CCDC88A: variants seen among roughly 807,000 people sequenced by gnomAD.
CCDC88A encodes girdin.
CCDC88A carries 54 observed loss-of-function variants against 234.3 expected under a neutral mutation model. The ratio of observed to expected loss-of-function variants is 0.23; its 90% confidence interval spans 0.19 to 0.29. The LOEUF (loss-of-function observed/expected upper bound fraction) is 0.29, where lower values mean the gene tolerates loss of function less well. Ranked by LOEUF, CCDC88A falls within the 10% of genes least tolerant of loss-of-function variation. CCDC88A has a pLI of 1.00. For missense variants in CCDC88A, 1,832 were observed against 2,123.4 expected (o/e 0.86, Z 2.70); for synonymous variants, 753 against 737.8 (o/e 1.02, Z -0.33).
At position 55,296,224 on chromosome 2, in the gene CCDC88A, C is replaced by T. The variant is rs1215786339; in HGVS notation, c.5091+34G>A. On this transcript the variant is annotated intron_variant, in intron 30 of 32. Transcript: ENST00000436346. Reference sequence around the variant, plus strand: ...TTACAGAAATTTAACTTGTGGTGTTCATCTAAATTAAGGTCATCATAGATA... The same window carrying T: ...TTACAGAAATTTAACTTGTGGTGTTTATCTAAATTAAGGTCATCATAGATA... 3.2e-6 allele frequency: 5 copies of T among 1,561,710 alleles called. No homozygotes were observed. In the Admixed American group the frequency reaches 9.3e-5, roughly 29 times the overall value.
Position 55,291,710 on chromosome 2 carries a change from A to G in CCDC88A, c.*1T>C, listed in dbSNP as rs1679467340. The stretch of plus-strand genomic sequence containing the variant: ...CACATGTCATGTAGTGGGTAATAGA[A>G]TTAGGAGCTTTGTTGCTCCCTAGAC... On this transcript the variant is annotated 3_prime_UTR_variant, in exon 32 of 33. Coordinates refer to ENST00000436346, the MANE Select transcript of CCDC88A (RefSeq NM_001365480.1). 1 of 1,601,690 alleles carries G rather than the reference A, an allele frequency of 6.2e-7. No homozygotes were observed. The highest frequency in any genetic ancestry group is 1.3e-5 in the African/African-American group (1 of 74,536).
At chr2:55,415,065 C>CAAA (rs34977470) in intron 2 of CCDC88A, among the ~76,000 whole-genome samples, 1 of 123,094 alleles carries the variant, frequency 8.1e-6, no homozygotes, top group African/African-American at 3.2e-5. Flanking sequence ...GACTCTGTTT[C>CAAA]AAAAAAAAAA....
chr2:55,407,902 G>T (rs944225254), intron 2 of CCDC88A, among the ~76,000 whole-genome samples: 1 of 147,770 alleles, frequency 6.8e-6, no homozygotes, highest in African/African-American at 2.4e-5. Flanking sequence ...ATTTTTAGTA[G>T]AGACGGGGTT....
chr2:55,414,171 C>A (rs1161400298), intron 2 of CCDC88A, among the ~76,000 whole-genome samples: 2 of 152,072 alleles, frequency 1.3e-5, no homozygotes, highest in Admixed American at 6.6e-5. Flanking sequence ...TAACAATTTT[C>A]TCAGTACTTA....
rs913310968 is a variant in CCDC88A, at chr2:55,328,633, T to C, written c.2856-198A>G. The C allele has an allele frequency of 5.0e-6, 2 of 397,856 alleles. No homozygotes were observed. Among genetic ancestry groups the C allele is most frequent in the African/African-American group, 2.1e-5 (1 of 47,930 alleles). The allele number at this position is 397,856 out of a possible 1,614,324, so 24.6% of individuals were successfully genotyped here. Reference sequence around the variant, plus strand: ...TCCTGGTAATGAAGCAACAAAATCATTGAGTGAACAGAGCTCCGGATTATG... The same window carrying C: ...TCCTGGTAATGAAGCAACAAAATCACTGAGTGAACAGAGCTCCGGATTATG... On this transcript the variant is annotated intron_variant, in intron 16 of 32. Transcript: ENST00000436346. This position sits in a 1 kb window ranked among gnomAD's most constrained non-coding sequence, Gnocchi z 4.3.
rs565934103 is a variant in CCDC88A, at chr2:55,373,760, C to T, written c.343+1054G>A. Among the ~76,000 whole-genome samples the T allele has an allele frequency of 4.6e-5, 7 of 152,206 alleles. No individual in the cohort carries two copies. In the East Asian group the frequency reaches 1.2e-3, roughly 25 times the overall value. ...CATGGTATCTCTAAAAACTAAGCTG[C>T]TAATTCACACATCTAATTAATAGTT... On this transcript the variant is annotated intron_variant, in intron 4 of 32. Coordinates refer to ENST00000436346, the MANE Select transcript of CCDC88A (RefSeq NM_001365480.1).
chr2:55,324,655 T>G (rs1684040412), intron 17 of CCDC88A, among the ~76,000 whole-genome samples: 1 of 151,202 alleles, frequency 6.6e-6, no homozygotes, highest in South Asian at 2.1e-4. Flanking sequence ...TTCTTTTTCT[T>G]TTTTTTTTGA....
chr2:55,346,873 TTAAAAAAATCGAAGTATTTTAAACATA>T (rs1197658665), intron 9 of CCDC88A, among the ~76,000 whole-genome samples: 6 of 152,174 alleles, frequency 3.9e-5, no homozygotes, highest in African/African-American at 1.4e-4. Context: ...TAAAACCTTT[TTAAAAAAATCGAAGTATTTTAAACATA>T]TATATACATT....
intron 12 of CCDC88A, chr2:55,340,156 T>C (rs1668300742): frequency 1.3e-5 from 2 of 152,200 alleles, no homozygotes; most frequent in African/African-American, 4.8e-5. Context: ...ATCCACAGCA[T>C]TCTAGTTAAA....
In CCDC88A at chr2:55,395,651, C is replaced by T. The variant is rs140591588; in HGVS notation, c.165-6765G>A. On this transcript the variant is annotated intron_variant, in intron 2 of 32. Transcript: ENST00000436346. ...AACCATTGCTTTCTATCGAAAGTTA[C>T]GAGCTGACAACCTCCAAGCTAACAA... 1.1e-3 allele frequency among the ~76,000 whole-genome samples: 164 copies of T among 152,276 alleles called. 3 individuals carry two copies. In the East Asian group the frequency reaches 0.024, roughly 22 times the overall value.
At chr2:55,358,168 T>C (rs1190363540) in intron 7 of CCDC88A, among the ~76,000 whole-genome samples, 3 of 152,186 alleles carry the variant, frequency 2.0e-5, no homozygotes, top group Non-Finnish European at 2.9e-5. Flanking sequence ...TTAACATTTA[T>C]AGAACTTGTG....
At chr2:55,398,751 A>G (rs1271356211) in intron 2 of CCDC88A, among the ~76,000 whole-genome samples, 1 of 151,996 alleles carries the variant, frequency 6.6e-6, no homozygotes, top group African/African-American at 2.4e-5. Context: ...CATCTCCACA[A>G]AAAAATTTAA....
rs749998375 is a variant in CCDC88A at position 55,299,936 on chromosome 2, G to A, written c.4745-17C>T. ...GTCTTGAAGCTAAATGAAAAAACCA[G>A]GAGACAGTGTGATAAAACTTCTAGC... On this transcript the variant is annotated splice_polypyrimidine_tract_variant and intron_variant, in intron 28 of 32. Coordinates refer to ENST00000436346, the MANE Select transcript of CCDC88A (RefSeq NM_001365480.1). 29 of 1,590,736 alleles carry A rather than the reference G, an allele frequency of 1.8e-5. No homozygotes were observed. The highest frequency in any genetic ancestry group is 2.5e-5 in the Non-Finnish European group (29 of 1,159,324).
intron 2 of CCDC88A, among the ~76,000 whole-genome samples, chr2:55,403,143 C>G (rs548828735): frequency 1.3e-5 from 2 of 152,228 alleles, no homozygotes; most frequent in South Asian, 4.2e-4. Flanking sequence ...AGTTGTTTTC[C>G]CTGAAGTGAC....
At position 55,297,320 on chromosome 2, in the gene CCDC88A, A is replaced by G. The variant is rs1680195820; in HGVS notation, c.4826-797T>C. Among the ~76,000 whole-genome samples the G allele has an allele frequency of 3.1e-5, 3 of 96,902 alleles. 1 individual carries two copies. Among genetic ancestry groups the G allele is most frequent in the African/African-American group, 1.3e-4 (3 of 22,318 alleles). 63.6% of individuals were successfully genotyped at this position (96,902 alleles called of 152,430 possible). A position where few individuals can be genotyped will look rare whatever the true frequency, so the allele number is the denominator to read the frequency against. ...TTTATATATAATTATATATAAATATATAATATATAATATATAAATTTATAT... is the reference window on the plus strand; with the variant it reads ...TTTATATATAATTATATATAAATATGTAATATATAATATATAAATTTATAT... On this transcript the variant is annotated intron_variant, in intron 29 of 32. Coordinates refer to ENST00000436346, the MANE Select transcript of CCDC88A (RefSeq NM_001365480.1).
intron 17 of CCDC88A, among the ~76,000 whole-genome samples, chr2:55,325,463 T>C (rs527616415): frequency 3.0e-4 from 46 of 152,340 alleles, no homozygotes; most frequent in African/African-American, 1.1e-3. Context: ...AATATAGTCA[T>C]GTCACAGGTG....
intron 17 of CCDC88A, chr2:55,324,340 A>G (rs1442280301): frequency 6.6e-6 from 1 of 152,190 alleles, no homozygotes; most frequent in Non-Finnish European, 1.5e-5. Flanking sequence ...ATATATCAAC[A>G]TGACAGAACA....
chr2:55,413,968 C>A (rs149786021), intron 2 of CCDC88A, among the ~76,000 whole-genome samples: 3 of 148,330 alleles, frequency 2.0e-5, no homozygotes, highest in African/African-American at 7.5e-5. Flanking sequence ...AAAACAAAAA[C>A]AAAAAAAAAA....
chr2:55,324,237 T>C (rs1683988506), intron 17 of CCDC88A: 2 of 152,238 alleles, frequency 1.3e-5, no homozygotes, highest in African/African-American at 4.8e-5. Context: ...ATGTCATCTT[T>C]AAAAACAGAG....
Sources: allele counts gnomAD v4.1 joint callset (sites outside exome capture counted in the v4.1 genomes callset), GRCh38; gene constraint gnomAD v4.1.1; non-coding constraint Gnocchi (gnomAD v3.1); transcripts MANE v1.5; gene names NCBI Gene and HGNC (gene_info 2026-07-23, HGNC 2026-07-21).